MYT1L: variants seen among roughly 807,000 people sequenced by gnomAD.
MYT1L encodes the protein myelin transcription factor 1 like.
MYT1L carries 12 observed loss-of-function variants against 126.7 expected under a neutral mutation model. The ratio of observed to expected loss-of-function variants is 0.09; its 90% CI spans 0.06 to 0.15. The LOEUF (loss-of-function observed/expected upper bound fraction) is 0.15. Among genes scored for constraint, MYT1L ranks in the 10% least tolerant of loss-of-function variants. The pLI, the probability that MYT1L is intolerant of heterozygous loss-of-function variation, is 1.00. For missense variants in MYT1L, 979 were observed against 1,585.2 expected (o/e 0.62, Z 6.49); for synonymous variants, 541 against 604.2 (o/e 0.90, Z 1.53).
At chr2:1,844,236 G>A (rs2042212268) in intron 19 of MYT1L, among the ~76,000 whole-genome samples, 2 of 152,084 alleles carry the variant, frequency 1.3e-5, no homozygotes, top group South Asian at 4.1e-4. Flanking sequence ...ACACCCCCAG[G>A]AGTCCAGGGC....
intron 23 of MYT1L, among the ~76,000 whole-genome samples, chr2:1,800,455 A>AC (rs1401975164): frequency 6.6e-6 from 1 of 152,074 alleles, no homozygotes; most frequent in East Asian, 1.9e-4. Context: ...GCATCAAAAC[A>AC]CCCAGGCAGC....
At position 1,910,366 on chromosome 2, in the gene MYT1L, G is replaced by C; in HGVS notation, c.1710-19C>G. On this transcript the variant is annotated intron_variant, in intron 12 of 24. Transcript: ENST00000647738. The surrounding 1 kb of genome is among the most constrained non-coding windows in gnomAD (Gnocchi z 4.8). ...GGAGAGGCTGCAATCACAGAAAGCG[G>C]GTTGAATGGTCCCGCCTCAAACACC... 3 of 1,602,576 alleles carry C rather than the reference G, an allele frequency of 1.9e-6. No homozygotes were observed. Among genetic ancestry groups the C allele is most frequent in the Non-Finnish European group, 2.6e-6 (3 of 1,175,048 alleles).
At chr2:2,017,246 C>T (rs968342336) in intron 4 of MYT1L, among the ~76,000 whole-genome samples, 2 of 152,250 alleles carry the variant, frequency 1.3e-5, no homozygotes, top group Non-Finnish European at 2.9e-5. Flanking sequence ...ATCAACTAAC[C>T]TCCTTCCTTT....
At chr2:2,213,555 C>T (rs1283755750) in intron 2 of MYT1L, among the ~76,000 whole-genome samples, 1 of 152,152 alleles carries the variant, frequency 6.6e-6, no homozygotes, top group Non-Finnish European at 1.5e-5. Context: ...GGGGATGAAG[C>T]CTGTTCTCGT....
At chr2:1,842,887 C>G (rs145401987) in intron 19 of MYT1L, 1 of 167,988 alleles carries the variant, frequency 6.0e-6, no homozygotes, top group African/African-American at 2.5e-5. Flanking sequence ...CCAGGCGCTT[C>G]CGCTTCCAGG....
chr2:2,159,748 A>C (rs2087520822), intron 3 of MYT1L, among the ~76,000 whole-genome samples: 1 of 151,960 alleles, frequency 6.6e-6, no homozygotes, highest in Non-Finnish European at 1.5e-5. Flanking sequence ...GGCCCAGATA[A>C]CCAAGCAGAT....
At chr2:1,938,083 G>T (rs1469416057) in intron 9 of MYT1L, among the ~76,000 whole-genome samples, 1 of 152,220 alleles carries the variant, frequency 6.6e-6, no homozygotes, top group Non-Finnish European at 1.5e-5. Context: ...TGTGCTAAAG[G>T]CAGCTGCACA....
At chr2:1,935,217 T>A (rs2055700486) in intron 9 of MYT1L, among the ~76,000 whole-genome samples, 1 of 152,244 alleles carries the variant, frequency 6.6e-6, no homozygotes, top group Non-Finnish European at 1.5e-5. Context: ...TTTGTATTTT[T>A]TATATACACA....
intron 1 of MYT1L, chr2:2,326,400 G>A (rs912534832): frequency 6.6e-6 from 1 of 152,150 alleles, no homozygotes; most frequent in African/African-American, 2.4e-5. Flanking sequence ...TGATGTGTTG[G>A]GACCAGACTT....
rs911786458 is a variant in MYT1L, at chr2:2,256,381, G to A, written c.-421+28023C>T. On this transcript the variant is annotated intron_variant, in intron 2 of 24. Coordinates refer to ENST00000647738, the MANE Select transcript of MYT1L (RefSeq NM_001303052.2). ...CAACTGTGGCCACAGGTCTAATTCA[G>A]GTGCCACCTATTTTTATAAATAAGG... Among the ~76,000 whole-genome samples the A allele has an allele frequency of 3.3e-5, 5 of 152,304 alleles. No homozygotes were observed. The East Asian group carries it at 5.8e-4, about 18-fold the overall frequency.
chr2:2,168,351 G>GT (rs1249686916), intron 3 of MYT1L, among the ~76,000 whole-genome samples: 2 of 152,216 alleles, frequency 1.3e-5, no homozygotes, highest in Non-Finnish European at 2.9e-5. Context: ...AACATAAAAA[G>GT]TAATTCTTTC....
intron 21 of MYT1L, chr2:1,816,156 A>G (rs747387702): frequency 6.6e-6 from 1 of 152,488 alleles, no homozygotes; most frequent in East Asian, 1.9e-4. Flanking sequence ...TTAAGAAATA[A>G]AACAGAAATT....
intron 21 of MYT1L, chr2:1,828,007 T>C (rs4254533): frequency 0.44 from 67,394 of 152,052 alleles, 16,876 homozygotes; most frequent in African/African-American, 0.68. Context: ...TGTCCACAAA[T>C]GAGACCCAGC....
At chr2:1,973,568 T>G (rs1054100714) in intron 8 of MYT1L, among the ~76,000 whole-genome samples, 1 of 152,242 alleles carries the variant, frequency 6.6e-6, no homozygotes. Flanking sequence ...ATGCGATATT[T>G]TAGCTGGAAT....
rs200510157 is a variant in MYT1L, at chr2:2,180,972, CTG to C, written c.-420-7986_-420-7985del. On this transcript the variant is annotated intron_variant, in intron 2 of 24. Coordinates refer to ENST00000647738, the MANE Select transcript of MYT1L (RefSeq NM_001303052.2). The stretch of plus-strand genomic sequence containing the variant: ...CCTGTGTGTGCACCTGTAACCGTAC[CTG>C]TGTGTGTACCTGTGTGTGCTTGTGT... Among the ~76,000 whole-genome samples, 22 of 143,628 alleles carry C rather than the reference CTG, an allele frequency of 1.5e-4. 1 individual carries two copies. The highest frequency in any genetic ancestry group is 2.1e-4 in the East Asian group (1 of 4,810). The allele number at this position is 143,628 out of a possible 152,430, so 94.2% of individuals were successfully genotyped here. A position where few individuals can be genotyped will look rare whatever the true frequency, so the allele number is the denominator to read the frequency against.
chr2:1,928,076 T>C (rs1371566277), intron 9 of MYT1L, among the ~76,000 whole-genome samples: 1 of 152,096 alleles, frequency 6.6e-6, no homozygotes, highest in African/African-American at 2.4e-5. Context: ...GCCTCAGCTT[T>C]TGAGTAGCTG....
intron 19 of MYT1L, among the ~76,000 whole-genome samples, chr2:1,843,272 G>T (rs539470333): frequency 4.7e-4 from 72 of 152,354 alleles, no homozygotes; most frequent in African/African-American, 1.7e-3. Context: ...CCTCTGAGAG[G>T]CGATGCCTGG....
chr2:2,141,199 C>T lies in MYT1L; in HGVS notation c.-304+31673G>A, dbSNP rs116813116. 7.3e-3 allele frequency among the ~76,000 whole-genome samples: 1,109 copies of T among 152,256 alleles called. 15 individuals are homozygous for T. The highest frequency in any genetic ancestry group is 0.025 in the African/African-American group (1,035 of 41,532). ...TTATTCATTCCTTCTGTATAATTAA[C>T]GTACACACAGGCATGCATAATCATA... On this transcript the variant is annotated intron_variant, in intron 3 of 24. Transcript: ENST00000647738.
intron 5 of MYT1L, among the ~76,000 whole-genome samples, chr2:1,987,236 T>C (rs1246018351): frequency 3.3e-5 from 5 of 152,040 alleles, no homozygotes; most frequent in Non-Finnish European, 5.9e-5. Context: ...AACTGTTCCA[T>C]CGGGTTCTTG....
Sources: allele counts gnomAD v4.1 joint callset (sites outside exome capture counted in the v4.1 genomes callset), GRCh38; gene constraint gnomAD v4.1.1; non-coding constraint Gnocchi (gnomAD v3.1); transcripts MANE v1.5; gene names NCBI Gene and HGNC (gene_info 2026-07-23, HGNC 2026-07-21).